The following ZC3H8 variants were observed in gnomAD, a reference collection of about 807,000 sequenced individuals.
The protein encoded by ZC3H8 is zinc finger CCCH-type containing 8, also known as zinc finger CCCH domain-containing protein 8.
In ZC3H8, 27 loss-of-function variants were observed where a neutral mutation model predicts 42.5. The observed-to-expected ratio is 0.64, with a 90% confidence interval of 0.47 to 0.88. ZC3H8 has a LOEUF of 0.88. Ranked by LOEUF, ZC3H8 falls within the 40% of genes least tolerant of loss-of-function variation. The pLI is 0.00. For missense variants in ZC3H8, 277 were observed against 336.1 expected (o/e 0.82, Z 1.37); for synonymous variants, 101 against 110.1 (o/e 0.92, Z 0.52).
In ZC3H8 at chr2:112,250,340, C is replaced by A. The variant is rs1685904108; in HGVS notation, c.75-68G>T. 3 of 1,100,254 alleles carry A rather than the reference C, an allele frequency of 2.7e-6. No individual in the cohort carries two copies. The East Asian group carries it at 8.8e-5, about 32-fold the overall frequency. The allele number at this position is 1,100,254 out of a possible 1,614,324, so 68.2% of individuals were successfully genotyped here. Reference sequence around the variant, plus strand: ...CTGAAGTGTTCATACCACAGCGTTACAATTCACTGCTTTGGCTTGTCTTCA... The same window carrying A: ...CTGAAGTGTTCATACCACAGCGTTAAAATTCACTGCTTTGGCTTGTCTTCA... On this transcript the variant is annotated intron_variant, in intron 1 of 8. Transcript: ENST00000409573.
chr2:112,231,526 A>G (rs1685088533), intron 7 of ZC3H8, among the ~76,000 whole-genome samples: 2 of 152,218 alleles, frequency 1.3e-5, no homozygotes, highest in Non-Finnish European at 2.9e-5. Context: ...AAGAATCTTT[A>G]TAACAGGAGT....
intron 4 of ZC3H8, among the ~76,000 whole-genome samples, chr2:112,234,994 G>A (rs1438176790): frequency 2.0e-5 from 3 of 151,924 alleles, no homozygotes; most frequent in Non-Finnish European, 2.9e-5. Context: ...ATTAACACAC[G>A]CAACTAGAAA....
intron 2 of ZC3H8, among the ~76,000 whole-genome samples, chr2:112,249,012 T>C (rs115397579): frequency 0.059 from 8,994 of 152,108 alleles, 355 homozygotes; most frequent in Non-Finnish European, 0.087. Flanking sequence ...CTGGGCAACA[T>C]GGCGAAACCC....
intron 1 of ZC3H8, among the ~76,000 whole-genome samples, chr2:112,253,041 G>C (rs1448652730): frequency 6.6e-6 from 1 of 152,058 alleles, no homozygotes; most frequent in Admixed American, 6.5e-5. Context: ...GGCTGAGGCA[G>C]GAGAATGGTG....
chr2:112,238,747 T>G (rs1181109388), intron 2 of ZC3H8, among the ~76,000 whole-genome samples: 2 of 152,106 alleles, frequency 1.3e-5, no homozygotes, highest in African/African-American at 4.8e-5. Flanking sequence ...AACAAACCAC[T>G]ATGACATATC....
intron 3 of ZC3H8, 69 bp from the exon 4 acceptor site, chr2:112,236,764 G>C (rs1198095913): frequency 2.1e-6 from 3 of 1,396,680 alleles, no homozygotes; most frequent in Non-Finnish European, 2.9e-6. Flanking sequence ...AAGAAGTACG[G>C]GGCCAGGTGC....
intron 8 of ZC3H8, among the ~76,000 whole-genome samples, chr2:112,224,148 G>C (rs1195495136): frequency 2.6e-5 from 4 of 152,000 alleles, no homozygotes; most frequent in Non-Finnish European, 4.4e-5. Context: ...GTCTCAAAAG[G>C]CATTAATATT....
chr2:112,244,587 C>A (rs1685693571), intron 2 of ZC3H8, among the ~76,000 whole-genome samples: 1 of 152,176 alleles, frequency 6.6e-6, no homozygotes, highest in African/African-American at 2.4e-5. Flanking sequence ...GATTGAAGGT[C>A]TGTGGCAACC....
chr2:112,250,357 T>TC, intron 1 of ZC3H8, 85 bp from the exon 2 acceptor site: 2 of 921,016 alleles, frequency 2.2e-6, no homozygotes, highest in Admixed American at 3.4e-5. Context: ...CTGCTTTGGC[T>TC]TGTCTTCAAC....
chr2:112,232,742 A>T (rs941178265), intron 6 of ZC3H8, among the ~76,000 whole-genome samples: 1 of 152,224 alleles, frequency 6.6e-6, no homozygotes, highest in Admixed American at 6.5e-5. Context: ...GCCTGAAGAA[A>T]AAAATTTTTT....
intron 2 of ZC3H8, among the ~76,000 whole-genome samples, chr2:112,248,218 C>T (rs1685822289): frequency 1.3e-5 from 2 of 151,550 alleles, no homozygotes; most frequent in East Asian, 1.9e-4. Context: ...CCCAGCTACT[C>T]GGGAGGCTGA....
chr2:112,234,845 T>C (rs1161707623), intron 4 of ZC3H8, among the ~76,000 whole-genome samples: 1 of 151,866 alleles, frequency 6.6e-6, no homozygotes, highest in Non-Finnish European at 1.5e-5. Context: ...GTATTTATGA[T>C]TAAAAACCGA....
intron 4 of ZC3H8, among the ~76,000 whole-genome samples, chr2:112,234,634 C>A (rs544800931): frequency 1.1e-3 from 162 of 152,166 alleles, no homozygotes; most frequent in African/African-American, 3.7e-3. Flanking sequence ...AACCTCATCT[C>A]TACTAAAATA....
chr2:112,217,492 C>T (rs1455645492), intron 8 of ZC3H8, among the ~76,000 whole-genome samples: 1 of 152,090 alleles, frequency 6.6e-6, no homozygotes, highest in African/African-American at 2.4e-5. Flanking sequence ...CATTAAAATC[C>T]ATTGGTCTTT....
At position 112,236,616 on chromosome 2, in the gene ZC3H8, G is replaced by A. The variant is rs1250170127; in HGVS notation, c.450C>T (p.Gly150=). 1.9e-6 allele frequency: 3 copies of A among 1,613,832 alleles called. No homozygotes were observed. The African/African-American group carries it at 4.0e-5, about 22-fold the overall frequency. ...AAGCATTTGATCCTTTGTTTCCAGG[G>A]CCAGGCCATTTTCGCTTCATTTTCT... ...KQKKMKRKWP[G]PGNKGSNALL... Residue 150 remains glycine (G), a synonymous_variant, in exon 4 of 9, where the codon GGC becomes GGT. Transcript: ENST00000409573.
intron 2 of ZC3H8, among the ~76,000 whole-genome samples, chr2:112,244,973 C>G (rs1369447096): frequency 6.6e-6 from 1 of 152,150 alleles, no homozygotes; most frequent in Non-Finnish European, 1.5e-5. Flanking sequence ...CTACTGAAAT[C>G]AAAAGCTAGA....
chr2:112,236,838 G>A (rs1470858088), intron 3 of ZC3H8, 143 bp from the exon 4 acceptor site: 11 of 774,224 alleles, frequency 1.4e-5, no homozygotes, highest in Non-Finnish European at 2.0e-5. Flanking sequence ...CTCAAAGCTA[G>A]GAGTTCAAGG....
intron 8 of ZC3H8, among the ~76,000 whole-genome samples, chr2:112,222,550 G>T (rs1355365513): frequency 6.6e-6 from 1 of 151,902 alleles, no homozygotes; most frequent in Non-Finnish European, 1.5e-5. Flanking sequence ...AATACTATAT[G>T]ATTTCACTTA....
chr2:112,232,112 C>T (rs548749710), intron 6 of ZC3H8, among the ~76,000 whole-genome samples, 165 bp from the exon 7 acceptor site: 1 of 152,140 alleles, frequency 6.6e-6, no homozygotes, highest in South Asian at 2.1e-4. Context: ...GAGTTCAAGA[C>T]CAACCTAGCC....
Sources: gnomAD v4.1 joint callset for allele counts (sites outside exome capture counted in the v4.1 genomes callset) on GRCh38, gnomAD v4.1.1 for gene constraint, MANE v1.5 for transcripts, NCBI Gene and HGNC (gene_info 2026-07-23, HGNC 2026-07-21) for gene names.